The following GAS7 variants were observed in gnomAD, a reference collection of about 807,000 sequenced individuals.
The protein encoded by GAS7 is growth arrest specific 7, also known as growth arrest-specific protein 7.
GAS7 carries 28 observed loss-of-function variants against 71.1 expected under a neutral mutation model. That is an observed-to-expected ratio of 0.39 (90% CI 0.29 to 0.54). GAS7 has a LOEUF of 0.54. Among genes scored for constraint, GAS7 ranks in the 20% least tolerant of loss-of-function variants. GAS7 has a pLI of 0.62. For missense variants in GAS7, 436 were observed against 627.8 expected, an observed-to-expected ratio of 0.69 and a Z score of 3.27; for synonymous variants, 258 against 245.8, an observed-to-expected ratio of 1.05 and a Z score of -0.46.
intron 1 of GAS7, among the ~76,000 whole-genome samples, chr17:10,189,444 C>T (rs2074481503): frequency 6.6e-6 from 1 of 152,180 alleles, no homozygotes; most frequent in African/African-American, 2.4e-5. Flanking sequence ...AAACCAAAGG[C>T]TTTTCCACTG....
chr17:10,109,605 A>G (rs1377782933), intron 1 of GAS7, among the ~76,000 whole-genome samples: 2 of 152,194 alleles, frequency 1.3e-5, no homozygotes, highest in Non-Finnish European at 2.9e-5. Context: ...ATTTATCCAA[A>G]CAAAAAGAAA....
chr17:10,153,038 CA>C (rs397857973), intron 1 of GAS7, among the ~76,000 whole-genome samples: 29,224 of 76,018 alleles, frequency 0.38, 3,627 homozygotes, highest in Middle Eastern at 0.52. Flanking sequence ...ACTAAAAATA[CA>C]AAAAAAAAAA....
intron 1 of GAS7, among the ~76,000 whole-genome samples, chr17:10,170,299 C>T (rs1413808268): frequency 6.6e-6 from 1 of 152,106 alleles, no homozygotes; most frequent in Non-Finnish European, 1.5e-5. Flanking sequence ...CTCAAAAGCC[C>T]TCGTGCTTTG....
intron 2 of GAS7, among the ~76,000 whole-genome samples, chr17:9,999,266 C>T (rs2071166758): frequency 6.6e-6 from 1 of 152,056 alleles, no homozygotes; most frequent in South Asian, 2.1e-4. Flanking sequence ...GCTTGTGATC[C>T]CAGCACTTTG....
At chr17:10,179,330 T>C (rs550243981) in intron 1 of GAS7, among the ~76,000 whole-genome samples, 1 of 149,782 alleles carries the variant, frequency 6.7e-6, no homozygotes, top group African/African-American at 2.5e-5. Context: ...TGAAACTCCA[T>C]CTCAAAAAAA....
chr17:10,051,700 T>G (rs1007162432), intron 1 of GAS7, among the ~76,000 whole-genome samples: 1 of 152,046 alleles, frequency 6.6e-6, no homozygotes, highest in Non-Finnish European at 1.5e-5. Flanking sequence ...AACAAACCAG[T>G]GCAAGACCCT....
chr17:9,969,640 C>G lies in GAS7; in HGVS notation c.471+37G>C. On this transcript the variant is annotated intron_variant, in intron 4 of 13. Transcript: ENST00000432992. The surrounding 1 kb of genome is among the most constrained non-coding windows in gnomAD (Gnocchi z 5.5). ...ATGCAGTTTCCTAGGCCTGCAGAAG[C>G]AGTGACCGCTATACCTCCCTCAACA... 1 of 1,233,896 alleles carries G rather than the reference C, an allele frequency of 8.1e-7. No individual in the cohort carries two copies. The highest frequency in any genetic ancestry group is 1.2e-6 in the Non-Finnish European group (1 of 833,338). 76.4% of individuals were successfully genotyped at this position (1,233,896 alleles called of 1,614,324 possible).
chr17:9,969,871 T>A lies in GAS7; in HGVS notation c.386-109A>T. 9.6e-6 allele frequency: 7 copies of A among 729,664 alleles called. No homozygotes were observed. In the South Asian group the frequency reaches 1.1e-4, roughly 12 times the overall value. The allele number at this position is 729,664 out of a possible 1,614,324, so 45.2% of individuals were successfully genotyped here. ...CACCTCCTTCCTTGGCTCTGAGAGG[T>A]CTTGCGTGGCGAAGACCATCCCTCA... On this transcript the variant is annotated intron_variant, in intron 3 of 13. Coordinates refer to ENST00000432992, the MANE Select transcript of GAS7 (RefSeq NM_201433.2). This position sits in a 1 kb window ranked among gnomAD's most constrained non-coding sequence, Gnocchi z 5.5.
intron 1 of GAS7, among the ~76,000 whole-genome samples, chr17:10,152,761 C>T (rs1229589612): frequency 6.6e-6 from 1 of 152,100 alleles, no homozygotes; most frequent in Non-Finnish European, 1.5e-5. Context: ...TGCCTCCTCC[C>T]AAGGAAGACA....
At chr17:10,032,215 A>C (rs1597727647) in intron 1 of GAS7, among the ~76,000 whole-genome samples, 1 of 151,680 alleles carries the variant, frequency 6.6e-6, no homozygotes, top group African/African-American at 2.4e-5. Context: ...GACAAGGTAG[A>C]CTCCTCCCAA....
intron 1 of GAS7, among the ~76,000 whole-genome samples, chr17:10,181,083 G>T (rs941665782): frequency 6.8e-6 from 1 of 146,784 alleles, no homozygotes; most frequent in Non-Finnish European, 1.5e-5. Context: ...GGTGGCGGTG[G>T]GGGCACGGTG....
In GAS7 at chr17:10,071,482, G is replaced by A. The variant is rs532024539; in HGVS notation, c.184-51585C>T. On this transcript the variant is annotated intron_variant, in intron 1 of 13. Coordinates refer to ENST00000432992, the MANE Select transcript of GAS7 (RefSeq NM_201433.2). ...CAGACATGAGGAGGTGGGTGCAATC[G>A]GAGGCAGCGCAGACAGCCGAGGGCT... Among the ~76,000 whole-genome samples the A allele has an allele frequency of 3.3e-5, 5 of 152,322 alleles. No individual in the cohort carries two copies. In the South Asian group the frequency reaches 1.0e-3, roughly 32 times the overall value.
chr17:9,967,563 T>C (rs567301403), intron 4 of GAS7, among the ~76,000 whole-genome samples: 2 of 113,628 alleles, frequency 1.8e-5, no homozygotes, highest in South Asian at 5.4e-4. Context: ...TAGATAAGTA[T>C]AGATTTCCTT....
intron 1 of GAS7, among the ~76,000 whole-genome samples, chr17:10,140,044 T>G (rs1420491288): frequency 2.0e-5 from 3 of 152,324 alleles, no homozygotes; most frequent in Non-Finnish European, 2.9e-5. Context: ...TGATCTTCTC[T>G]TCTTAACTTC....
intron 5 of GAS7, among the ~76,000 whole-genome samples, chr17:9,958,235 T>C (rs946269674): frequency 7.2e-5 from 11 of 152,212 alleles, no homozygotes; most frequent in Admixed American, 3.9e-4. Context: ...CGTTATACTA[T>C]ATTGATTCCA....
rs1158379710 is a variant in GAS7 at position 10,016,602 on chromosome 17, C to CAAAA, written c.304+3171_304+3174dup. On this transcript the variant is annotated intron_variant, in intron 2 of 13. Transcript: ENST00000432992. ...CAACATACTGAAACCCTGTCTCTACCAAAAAAAAAAAAAAAAAAAAAACAA... is the reference window on the plus strand; with the variant it reads ...CAACATACTGAAACCCTGTCTCTACCAAAAAAAAAAAAAAAAAAAAAAAAAACAA... Among the ~76,000 whole-genome samples the CAAAA allele has an allele frequency of 5.0e-3, 423 of 84,442 alleles. 8 individuals carry two copies. Among genetic ancestry groups the CAAAA allele is most frequent in the African/African-American group, 0.012 (336 of 27,056 alleles). The allele number at this position is 84,442 out of a possible 152,430, so 55.4% of individuals were successfully genotyped here.
chr17:10,113,773 G>A (rs1461746633), intron 1 of GAS7, among the ~76,000 whole-genome samples: 2 of 152,176 alleles, frequency 1.3e-5, no homozygotes, highest in Non-Finnish European at 2.9e-5. Flanking sequence ...GATAGGTTGA[G>A]GACAGGGATG....
At chr17:9,989,685 C>T (rs757924013) in intron 2 of GAS7, among the ~76,000 whole-genome samples, 25 of 151,966 alleles carry the variant, frequency 1.6e-4, no homozygotes, top group Non-Finnish European at 2.4e-4. Context: ...GTTATGAGAA[C>T]GAAGCTGTAA....
At chr17:9,985,858 A>G (rs1157819832) in intron 2 of GAS7, among the ~76,000 whole-genome samples, 1 of 152,174 alleles carries the variant, frequency 6.6e-6, no homozygotes, top group Non-Finnish European at 1.5e-5. Flanking sequence ...TGGTGGCCGC[A>G]TTGCAATGCT....
Sources: allele counts gnomAD v4.1 joint callset (sites outside exome capture counted in the v4.1 genomes callset), GRCh38; gene constraint gnomAD v4.1.1; non-coding constraint Gnocchi (gnomAD v3.1); transcripts MANE v1.5; gene names NCBI Gene and HGNC (gene_info 2026-07-23, HGNC 2026-07-21).